DSCAM: variants seen among roughly 807,000 people sequenced by gnomAD.
DSCAM encodes cell adhesion molecule DSCAM.
In DSCAM, 47 loss-of-function variants were observed where a neutral mutation model predicts 217.7. That is an observed-to-expected ratio of 0.22 (90% CI 0.17 to 0.28). The LOEUF is 0.28. DSCAM is among the 10% of genes least tolerant of loss of function. DSCAM has a pLI of 1.00. For synonymous variants in DSCAM, 1,056 were observed against 1,015.3 expected, an observed-to-expected ratio of 1.04 and a Z score of -0.76; for missense variants, 2,080 against 2,618.3, an observed-to-expected ratio of 0.79 and a Z score of 4.49.
chr21:40,328,760 T>C (rs1320148688), intron 8 of DSCAM, among the ~76,000 whole-genome samples: 1 of 152,208 alleles, frequency 6.6e-6, no homozygotes, highest in East Asian at 1.9e-4. Context: ...AAGGTTACTA[T>C]CCAAAATATA....
chr21:40,519,112 C>T (rs904137845), intron 3 of DSCAM, among the ~76,000 whole-genome samples: 1 of 152,104 alleles, frequency 6.6e-6, no homozygotes, highest in Non-Finnish European at 1.5e-5. Context: ...CTATGTGGTA[C>T]ATAACTGTAT....
intron 11 of DSCAM, among the ~76,000 whole-genome samples, chr21:40,249,135 C>T (rs931031188): frequency 9.2e-5 from 14 of 152,160 alleles, no homozygotes; most frequent in African/African-American, 3.4e-4. Context: ...TACCAATGAA[C>T]ATCAGTTTTG....
intron 11 of DSCAM, among the ~76,000 whole-genome samples, chr21:40,264,554 C>T (rs965988401): frequency 6.6e-6 from 1 of 152,058 alleles, no homozygotes; most frequent in African/African-American, 2.4e-5. Context: ...AAGGAACATA[C>T]CTCAAAATAA....
At chr21:40,091,773 G>A (rs1441928090) in intron 21 of DSCAM, among the ~76,000 whole-genome samples, 4 of 152,092 alleles carry the variant, frequency 2.6e-5, no homozygotes, top group South Asian at 2.1e-4. Context: ...ATTACATGGC[G>A]GCAGGCAAGA....
chr21:40,031,293 A>G (rs1202154919), intron 32 of DSCAM, among the ~76,000 whole-genome samples: 1 of 142,216 alleles, frequency 7.0e-6, no homozygotes, highest in Non-Finnish European at 1.6e-5. Context: ...AAGCTCCCAG[A>G]TTCCAGCTCT....
At chr21:40,248,699 T>C (rs1005474345) in intron 11 of DSCAM, among the ~76,000 whole-genome samples, 2 of 152,216 alleles carry the variant, frequency 1.3e-5, no homozygotes, top group African/African-American at 4.8e-5. Context: ...CCTCTGCCGG[T>C]TACCCAGTTC....
intron 1 of DSCAM, among the ~76,000 whole-genome samples, chr21:40,836,474 C>T (rs1427396140): frequency 3.3e-5 from 5 of 152,190 alleles, no homozygotes; most frequent in Non-Finnish European, 1.5e-5. Flanking sequence ...TTTCTTGTTA[C>T]TAAACCCCAG....
In DSCAM at chr21:40,469,356, T is replaced by C. The variant is rs202231427; in HGVS notation, c.509-100111A>G. ...ATGGGAAAGCACAGGATTTAGGAAA[T>C]AGGAAATCCAGCATAGGGGAGACAT... On this transcript the variant is annotated intron_variant, in intron 3 of 32. Transcript: ENST00000400454. 1.4e-4 allele frequency among the ~76,000 whole-genome samples: 22 copies of C among 152,048 alleles called. No homozygotes were observed. The East Asian group carries it at 2.9e-3, about 20-fold the overall frequency.
At chr21:40,687,030 CCA>C (rs898925046) in intron 3 of DSCAM, among the ~76,000 whole-genome samples, 2 of 152,110 alleles carry the variant, frequency 1.3e-5, no homozygotes, top group African/African-American at 4.8e-5. Context: ...CTTTCTAATT[CCA>C]GTCTGATGTG....
At chr21:40,133,763 G>C in intron 19 of DSCAM, 91 bp downstream of exon 19, 1 of 1,453,868 alleles carries the variant, frequency 6.9e-7, no homozygotes, top group East Asian at 2.4e-5. Flanking sequence ...ACTGAGAATA[G>C]CCTGATGAAC....
chr21:40,837,611 T>A (rs915577892), intron 1 of DSCAM, among the ~76,000 whole-genome samples: 4 of 152,236 alleles, frequency 2.6e-5, no homozygotes, highest in African/African-American at 9.6e-5. Context: ...GGTTGCTAAC[T>A]TGGGCTGCCA....
At chr21:40,624,036 G>GT (rs1030987501) in intron 3 of DSCAM, among the ~76,000 whole-genome samples, 15 of 151,906 alleles carry the variant, frequency 9.9e-5, no homozygotes, top group African/African-American at 2.2e-4. Context: ...CTTGAGGATG[G>GT]TTTTTTTTGC....
intron 3 of DSCAM, among the ~76,000 whole-genome samples, chr21:40,424,213 C>T (rs1464831194): frequency 6.6e-6 from 1 of 152,084 alleles, no homozygotes; most frequent in African/African-American, 2.4e-5. Flanking sequence ...TTGCGTCCCC[C>T]CAAAATTCAT....
intron 4 of DSCAM, among the ~76,000 whole-genome samples, chr21:40,359,789 G>A (rs1448854254): frequency 1.3e-5 from 2 of 152,182 alleles, no homozygotes; most frequent in African/African-American, 2.4e-5. Flanking sequence ...TGGGACTGGG[G>A]ATGGACATTG....
At chr21:40,434,034 C>T (rs1260291681) in intron 3 of DSCAM, among the ~76,000 whole-genome samples, 6 of 152,194 alleles carry the variant, frequency 3.9e-5, no homozygotes, top group African/African-American at 9.7e-5. Context: ...GCATCTAGAC[C>T]GCCTTTCTTC....
intron 3 of DSCAM, among the ~76,000 whole-genome samples, chr21:40,650,789 C>T (rs892167124): frequency 1.3e-5 from 2 of 152,176 alleles, no homozygotes; most frequent in African/African-American, 4.8e-5. Flanking sequence ...TGGTGTGCGC[C>T]TTTAGTCCCA....
At chr21:40,111,515 C>A in intron 20 of DSCAM, among the ~76,000 whole-genome samples, 1 of 152,090 alleles carries the variant, frequency 6.6e-6, no homozygotes, top group Non-Finnish European at 1.5e-5. Flanking sequence ...AACTAACGAG[C>A]AAAATAACCA....
intron 1 of DSCAM, among the ~76,000 whole-genome samples, chr21:40,785,545 A>G (rs2091585301): frequency 6.6e-6 from 1 of 152,252 alleles, no homozygotes; most frequent in African/African-American, 2.4e-5. Context: ...GCATAAAAGT[A>G]AGGCTTTCGT....
At chr21:40,311,594 G>C (rs904010092) in intron 9 of DSCAM, among the ~76,000 whole-genome samples, 2 of 152,156 alleles carry the variant, frequency 1.3e-5, no homozygotes, top group Admixed American at 6.5e-5. Flanking sequence ...AAATAGAATA[G>C]ATGGGCAAAG....
Sources: gnomAD v4.1 joint callset for allele counts (sites outside exome capture counted in the v4.1 genomes callset) on GRCh38, gnomAD v4.1.1 for gene constraint, MANE v1.5 for transcripts, NCBI Gene and HGNC (gene_info 2026-07-23, HGNC 2026-07-21) for gene names.